Variants in SH3GL2 observed in about 807,000 individuals in gnomAD.
SH3GL2 encodes the protein endophilin-A1.
Under a neutral mutation model 46.0 loss-of-function variants are expected in SH3GL2, and 24 were observed. That is an observed-to-expected ratio of 0.52 (90% CI 0.38 to 0.73). SH3GL2 has a LOEUF of 0.73. Among genes scored for constraint, SH3GL2 ranks in the 30% least tolerant of loss-of-function variants. The probability of loss-of-function intolerance (pLI) is 0.00; values close to 1 mark genes in which losing one functional copy is unlikely to be tolerated. For missense variants in SH3GL2, 413 were observed against 424.2 expected (o/e 0.97, Z 0.23); for synonymous variants, 196 against 147.1 (o/e 1.33, Z -2.40).
chr9:17,788,395 G>A (rs984081865), intron 5 of SH3GL2, among the ~76,000 whole-genome samples: 13 of 152,228 alleles, frequency 8.5e-5, no homozygotes, highest in African/African-American at 2.4e-4. Context: ...GGGGGATGCA[G>A]TGTGAGGGAA....
At chr9:17,779,009 T>G (rs9407865) in intron 3 of SH3GL2, among the ~76,000 whole-genome samples, 17,636 of 152,102 alleles carry the variant, frequency 0.12, 1,136 homozygotes, top group Admixed American at 0.15. Context: ...TAGAATGCCT[T>G]AGTCTGTAAT....
At chr9:17,786,563 T>A (rs376858928) in intron 4 of SH3GL2, 39 bp downstream of exon 4, 34 of 1,598,642 alleles carry the variant, frequency 2.1e-5, no homozygotes, top group Non-Finnish European at 2.7e-5. Flanking sequence ...CTTTCATTTG[T>A]CCATGGGGAT....
chr9:17,714,688 A>G (rs1342621097), intron 1 of SH3GL2, among the ~76,000 whole-genome samples: 1 of 151,762 alleles, frequency 6.6e-6, no homozygotes. Flanking sequence ...GTTGTCGTAT[A>G]TATATTTTAC....
chr9:17,712,336 T>A (rs1214013299), intron 1 of SH3GL2, among the ~76,000 whole-genome samples: 1 of 151,866 alleles, frequency 6.6e-6, no homozygotes, highest in East Asian at 1.9e-4. Flanking sequence ...CATCTAATTT[T>A]TCACTTGTGA....
chr9:17,633,419 G>A (rs1201395101), intron 1 of SH3GL2, among the ~76,000 whole-genome samples: 1 of 152,154 alleles, frequency 6.6e-6, no homozygotes, highest in Non-Finnish European at 1.5e-5. Context: ...TGCTTAACAT[G>A]TATTAAATGA....
intron 1 of SH3GL2, among the ~76,000 whole-genome samples, chr9:17,644,809 G>A (rs1292599654): frequency 6.6e-6 from 1 of 152,134 alleles, no homozygotes; most frequent in Non-Finnish European, 1.5e-5. Context: ...GTTTGTTTGG[G>A]GTGGAGAGTT....
At chr9:17,583,398 C>T (rs1040771936) in intron 1 of SH3GL2, among the ~76,000 whole-genome samples, 1 of 152,132 alleles carries the variant, frequency 6.6e-6, no homozygotes, top group Non-Finnish European at 1.5e-5. Flanking sequence ...GATTAGTGCT[C>T]TCTTAAAAGA....
intron 2 of SH3GL2, among the ~76,000 whole-genome samples, chr9:17,758,008 A>T (rs1823050173): frequency 6.6e-6 from 1 of 152,174 alleles, no homozygotes; most frequent in African/African-American, 2.4e-5. Context: ...GAGAAGTTAG[A>T]AATTAGTCAG....
intron 2 of SH3GL2, among the ~76,000 whole-genome samples, chr9:17,750,889 G>A (rs1017646458): frequency 7.2e-5 from 11 of 152,164 alleles, no homozygotes; most frequent in Non-Finnish European, 1.2e-4. Flanking sequence ...AAAATTGTAC[G>A]TAAATCAGTA....
Position 17,685,145 on chromosome 9 carries a change from G to C in SH3GL2, c.46-61921G>C, listed in dbSNP as rs149541344. On this transcript the variant is annotated intron_variant, in intron 1 of 8. Transcript: ENST00000380607. ...GACAGGTGTGTGTGTGTTTATGTCT[G>C]TGGGTATATGTATATTTATGAGTGG... Among the ~76,000 whole-genome samples, 655 of 152,124 alleles carry C rather than the reference G, an allele frequency of 4.3e-3. 1 individual carries two copies. Among genetic ancestry groups the C allele is most frequent in the Non-Finnish European group, 5.9e-3 (404 of 67,964 alleles).
At chr9:17,657,111 AAG>A (rs1325396440) in intron 1 of SH3GL2, among the ~76,000 whole-genome samples, 1 of 152,196 alleles carries the variant, frequency 6.6e-6, no homozygotes, top group Non-Finnish European at 1.5e-5. Context: ...TGATAGAGAA[AAG>A]TAGTCTGAAA....
chr9:17,660,389 A>T (rs1201349999), intron 1 of SH3GL2, among the ~76,000 whole-genome samples: 1 of 152,158 alleles, frequency 6.6e-6, no homozygotes, highest in Non-Finnish European at 1.5e-5. Context: ...TGCTGCCTAC[A>T]GCGTTCTACC....
At chr9:17,580,401 G>A (rs894530086) in intron 1 of SH3GL2, among the ~76,000 whole-genome samples, 2 of 152,146 alleles carry the variant, frequency 1.3e-5, no homozygotes, top group African/African-American at 2.4e-5. Context: ...GGTGAGGGTT[G>A]TGTTTTACAG....
chr9:17,748,928 GAAAAA>G (rs199940352), intron 2 of SH3GL2, among the ~76,000 whole-genome samples: 46 of 151,476 alleles, frequency 3.0e-4, no homozygotes, highest in African/African-American at 1.1e-3. Context: ...TTGAGTTCCT[GAAAAA>G]AAAAGATAAG....
chr9:17,641,026 C>A (rs567771182), intron 1 of SH3GL2, among the ~76,000 whole-genome samples: 6 of 151,854 alleles, frequency 4.0e-5, no homozygotes, highest in African/African-American at 1.5e-4. Flanking sequence ...TTGTAGAATC[C>A]CTTTGATTAT....
chr9:17,742,480 G>A (rs1017807561), intron 1 of SH3GL2, among the ~76,000 whole-genome samples: 3 of 152,144 alleles, frequency 2.0e-5, no homozygotes, highest in African/African-American at 7.2e-5. Flanking sequence ...AATTTAAAAC[G>A]TGAGTTGATT....
intron 1 of SH3GL2, among the ~76,000 whole-genome samples, chr9:17,676,078 A>G (rs968560784): frequency 1.3e-5 from 2 of 152,230 alleles, no homozygotes; most frequent in Non-Finnish European, 2.9e-5. Context: ...AGAAAGCAAA[A>G]GATTTGGCTA....
intron 7 of SH3GL2, among the ~76,000 whole-genome samples, 176 bp from the exon 8 acceptor site, chr9:17,793,191 C>G (rs1284377963): frequency 6.6e-6 from 1 of 152,202 alleles, no homozygotes; most frequent in Non-Finnish European, 1.5e-5. Context: ...AAAGGGACAT[C>G]ACCAAAATCT....
intron 1 of SH3GL2, among the ~76,000 whole-genome samples, chr9:17,605,953 T>A (rs950501595): frequency 6.6e-6 from 1 of 152,182 alleles, no homozygotes; most frequent in African/African-American, 2.4e-5. Context: ...AACACGTTAT[T>A]TTTTGAACTC....
Sources: allele counts gnomAD v4.1 joint callset (sites outside exome capture counted in the v4.1 genomes callset), GRCh38; gene constraint gnomAD v4.1.1; transcripts MANE v1.5; gene names NCBI Gene and HGNC (gene_info 2026-07-23, HGNC 2026-07-21).